MRPL3: variants seen among roughly 807,000 people sequenced by gnomAD.
MRPL3 encodes large ribosomal subunit protein uL3m.
Under a neutral mutation model 44.3 loss-of-function variants are expected in MRPL3, and 43 were observed. That is an observed-to-expected ratio of 0.97 (90% CI 0.76 to 1.25). The LOEUF is 1.25. Ranked by LOEUF, MRPL3 falls within the 50% of genes most tolerant of loss-of-function variation. The probability of loss-of-function intolerance (pLI) is 0.00; values close to 1 mark genes in which losing one functional copy is unlikely to be tolerated. For synonymous variants in MRPL3, 171 were observed against 152.3 expected, an observed-to-expected ratio of 1.12 and a Z score of -0.91; for missense variants, 406 against 427.6, an observed-to-expected ratio of 0.95 and a Z score of 0.45.
chr3:131,502,765 C>A lies in MRPL3; in HGVS notation c.57G>T (p.Gly19=), dbSNP rs768303019. The change falls in exon 1 of 10, where the codon GGG becomes GGT. Residue 19 remains glycine (G), a synonymous_variant. Coordinates refer to ENST00000264995, the MANE Select transcript of MRPL3 (RefSeq NM_007208.4). ...GGCCCAGGGCAGCACCCAGGCCGTC[C>A]CCGAGTCGACCCAGCACCTGGGCGC... ...QVGAQVLGRL[G]DGLGAALGPG... 9.3e-6 allele frequency: 15 copies of A among 1,612,432 alleles called. No individual in the cohort carries two copies. Among genetic ancestry groups the A allele is most frequent in the Non-Finnish European group, 1.3e-5 (15 of 1,179,198 alleles).
intron 6 of MRPL3, among the ~76,000 whole-genome samples, chr3:131,484,702 C>T (rs1205159473): frequency 6.6e-6 from 1 of 152,138 alleles, no homozygotes; most frequent in East Asian, 1.9e-4. Context: ...TACAATGCTG[C>T]ACTCAGGAAA....
At chr3:131,489,824 TAA>T (rs372802949) in intron 5 of MRPL3, among the ~76,000 whole-genome samples, 155 bp downstream of exon 5, 18 of 116,934 alleles carry the variant, frequency 1.5e-4, no homozygotes, top group Non-Finnish European at 1.1e-4. Flanking sequence ...GTTTTTCCAC[TAA>T]AAAAAAAAAA....
At chr3:131,502,697 C>G in intron 1 of MRPL3, 33 bp downstream of exon 1, 1 of 1,563,752 alleles carries the variant, frequency 6.4e-7, no homozygotes, top group Non-Finnish European at 8.7e-7. Context: ...CAGGACGCAA[C>G]TGTGCAGGTA....
intron 4 of MRPL3, among the ~76,000 whole-genome samples, chr3:131,492,598 G>C (rs1269685388): frequency 2.0e-5 from 3 of 152,024 alleles, no homozygotes; most frequent in Non-Finnish European, 2.9e-5. Context: ...GGTAGAGCTC[G>C]GGTGGTAACT....
chr3:131,479,269 TAAG>T (rs1367276872), intron 6 of MRPL3: 1 of 498,888 alleles, frequency 2.0e-6, no homozygotes, highest in Non-Finnish European at 4.0e-6. Context: ...CTTTATGCTC[TAAG>T]AAGTTTAAGT....
At chr3:131,495,473 G>T (rs923545937) in intron 4 of MRPL3, among the ~76,000 whole-genome samples, 1 of 152,100 alleles carries the variant, frequency 6.6e-6, no homozygotes, top group Non-Finnish European at 1.5e-5. Flanking sequence ...GTCCTTCGCA[G>T]TACTTTCTAT....
intron 4 of MRPL3, among the ~76,000 whole-genome samples, chr3:131,494,001 AG>A (rs1403342626): frequency 1.3e-5 from 2 of 152,244 alleles, no homozygotes; most frequent in African/African-American, 2.4e-5. Flanking sequence ...GTAAACCATT[AG>A]TACTTATAAC....
rs369776299 is a variant in MRPL3, at chr3:131,482,070, C to T, written c.629+5610G>A. On this transcript the variant is annotated intron_variant, in intron 6 of 9. Transcript: ENST00000264995. ...CACAAAGTCTTTACTCTTTTAAGAA[C>T]CCATGTTGACAGTTTAAACATCTTT... 2.9e-4 allele frequency among the ~76,000 whole-genome samples: 44 copies of T among 152,292 alleles called. 1 individual carries two copies. In the South Asian group the frequency reaches 9.1e-3, roughly 32 times the overall value.
intron 6 of MRPL3, among the ~76,000 whole-genome samples, chr3:131,474,025 C>T (rs886986042): frequency 6.6e-6 from 1 of 152,020 alleles, no homozygotes; most frequent in South Asian, 2.1e-4. Flanking sequence ...AAAAATATGA[C>T]GACCATATGA....
At chr3:131,494,354 T>C (rs1934322551) in intron 4 of MRPL3, among the ~76,000 whole-genome samples, 1 of 152,222 alleles carries the variant, frequency 6.6e-6, no homozygotes, top group Non-Finnish European at 1.5e-5. Context: ...TACTCACTTC[T>C]GCAACAAGAG....
chr3:131,501,464 T>C, intron 2 of MRPL3, 67 bp downstream of exon 2: 2 of 1,230,272 alleles, frequency 1.6e-6, no homozygotes, highest in African/African-American at 1.5e-5. Flanking sequence ...GTAGTCACTA[T>C]GATTTTAAAT....
intron 6 of MRPL3, among the ~76,000 whole-genome samples, chr3:131,477,165 C>T (rs1462157631): frequency 6.6e-6 from 1 of 152,160 alleles, no homozygotes; most frequent in African/African-American, 2.4e-5. Flanking sequence ...AACTGCCTTT[C>T]ATTGCATGAT....
At chr3:131,472,353 C>G (rs1029091622) in intron 6 of MRPL3, among the ~76,000 whole-genome samples, 2 of 152,136 alleles carry the variant, frequency 1.3e-5, no homozygotes, top group East Asian at 3.9e-4. Context: ...TTTTCAAATT[C>G]TGTTAACCCC....
At chr3:131,470,714 C>CT (rs1933721638) in intron 7 of MRPL3, among the ~76,000 whole-genome samples, 2 of 152,012 alleles carry the variant, frequency 1.3e-5, no homozygotes, top group South Asian at 4.1e-4. Context: ...TATATGCATA[C>CT]TTATAGTTTG....
intron 4 of MRPL3, among the ~76,000 whole-genome samples, chr3:131,496,227 C>CT: frequency 6.6e-6 from 1 of 152,154 alleles, no homozygotes; most frequent in Non-Finnish European, 1.5e-5. Context: ...CATATGAAGG[C>CT]TGGTACATAA....
intron 6 of MRPL3, 150 bp from the exon 7 acceptor site, chr3:131,471,429 C>T (rs1471776642): frequency 4.9e-6 from 3 of 606,470 alleles, no homozygotes; most frequent in Non-Finnish European, 8.7e-6. Context: ...ACAACTAAAA[C>T]TGCAAATAAA....
chr3:131,498,701 CAAA>C lies in MRPL3; in HGVS notation c.370-427_370-425del, dbSNP rs71133698. ...TGGGGGACAGAGCAAGACTCCGTCT[CAAA>C]AAAAAAAAAAAAAAAAAAGATTAAA... On this transcript the variant is annotated intron_variant, in intron 3 of 9. Transcript: ENST00000264995. 4.7e-3 allele frequency among the ~76,000 whole-genome samples: 387 copies of C among 81,480 alleles called. 3 individuals carry two copies. The highest frequency in any genetic ancestry group is 0.018 in the African/African-American group (357 of 19,610). The allele number at this position is 81,480 out of a possible 152,430, so 53.5% of individuals were successfully genotyped here.
intron 4 of MRPL3, 41 bp downstream of exon 4, chr3:131,498,138 A>G (rs1559833456): frequency 7.7e-7 from 1 of 1,291,666 alleles, no homozygotes; most frequent in Non-Finnish European, 1.1e-6. Flanking sequence ...TTTGAAACTG[A>G]TGAAAAATGC....
chr3:131,481,068 T>C (rs1280888267), intron 6 of MRPL3, among the ~76,000 whole-genome samples: 4 of 152,072 alleles, frequency 2.6e-5, no homozygotes, highest in Admixed American at 1.3e-4. Flanking sequence ...AGAAGAAAAA[T>C]ATTAAAATAT....
Sources: allele counts gnomAD v4.1 joint callset (sites outside exome capture counted in the v4.1 genomes callset), GRCh38; gene constraint gnomAD v4.1.1; transcripts MANE v1.5; gene names NCBI Gene and HGNC (gene_info 2026-07-23, HGNC 2026-07-21).